DSCAML1: variants seen among roughly 807,000 people sequenced by gnomAD.
DSCAML1 encodes DS cell adhesion molecule like 1.
In DSCAML1, 38 loss-of-function variants were observed where a neutral mutation model predicts 200.5. That is an observed-to-expected ratio of 0.19 (90% CI 0.15 to 0.25). DSCAML1 has a LOEUF of 0.25. DSCAML1 is among the 10% of genes least tolerant of loss of function. DSCAML1 has a pLI of 1.00. For synonymous variants in DSCAML1, 1,215 were observed against 1,165.0 expected (o/e 1.04, Z -0.87); for missense variants, 2,223 against 2,858.8 (o/e 0.78, Z 5.07).
chr11:117,470,371 C>A (rs935257054), intron 15 of DSCAML1, among the ~76,000 whole-genome samples: 4 of 151,646 alleles, frequency 2.6e-5, no homozygotes, highest in African/African-American at 9.7e-5. Flanking sequence ...GTCAGGAGAT[C>A]GAGACCATCC....
At chr11:117,807,365 A>G (rs1038639145) in intron 1 of DSCAML1, among the ~76,000 whole-genome samples, 6 of 152,302 alleles carry the variant, frequency 3.9e-5, no homozygotes, top group South Asian at 4.1e-4. Flanking sequence ...CCTTGCCCCA[A>G]ATCCCAGTAC....
intron 3 of DSCAML1, among the ~76,000 whole-genome samples, chr11:117,633,885 A>G (rs2052224669): frequency 6.6e-6 from 1 of 152,170 alleles, no homozygotes; most frequent in Non-Finnish European, 1.5e-5. Context: ...AGGGCAGGGC[A>G]GGCGCTTTGG....
chr11:117,702,327 G>A (rs889722049), intron 3 of DSCAML1, among the ~76,000 whole-genome samples: 4 of 152,062 alleles, frequency 2.6e-5, no homozygotes, highest in African/African-American at 9.7e-5. Flanking sequence ...CACTGCCCCT[G>A]GGGGCCCTAG....
chr11:117,462,881 C>G (rs2048507989), intron 17 of DSCAML1, among the ~76,000 whole-genome samples: 1 of 152,218 alleles, frequency 6.6e-6, no homozygotes, highest in South Asian at 2.1e-4. Flanking sequence ...TGGAAACTTT[C>G]TTCTCCCCTC....
At chr11:117,759,224 G>GC (rs1326829161) in intron 3 of DSCAML1, among the ~76,000 whole-genome samples, 1 of 152,126 alleles carries the variant, frequency 6.6e-6, no homozygotes, top group Non-Finnish European at 1.5e-5. Flanking sequence ...GATTTCCAAG[G>GC]CCCCCTATAG....
At chr11:117,748,263 G>A (rs2054549517) in intron 3 of DSCAML1, among the ~76,000 whole-genome samples, 1 of 152,190 alleles carries the variant, frequency 6.6e-6, no homozygotes, top group African/African-American at 2.4e-5. Context: ...CCGTAATGGT[G>A]AGCTCACTAC....
At chr11:117,682,300 A>G (rs1238889324) in intron 3 of DSCAML1, among the ~76,000 whole-genome samples, 4 of 152,094 alleles carry the variant, frequency 2.6e-5, no homozygotes, top group Admixed American at 1.3e-4. Flanking sequence ...AAACCTCTTC[A>G]TCACTGCTGC....
At chr11:117,452,414 A>C (rs896954670) in intron 19 of DSCAML1, among the ~76,000 whole-genome samples, 2 of 152,204 alleles carry the variant, frequency 1.3e-5, no homozygotes, top group African/African-American at 4.8e-5. Context: ...GTCTGACACT[A>C]ATATTCCAGT....
At chr11:117,450,436 G>T in intron 20 of DSCAML1, 113 bp downstream of exon 20, 1 of 1,427,856 alleles carries the variant, frequency 7.0e-7, no homozygotes, top group Non-Finnish European at 9.4e-7. Flanking sequence ...TATGAATCCA[G>T]GCAGAAGCTC....
At chr11:117,432,236 C>T (rs2137061722) in intron 30 of DSCAML1, 116 bp downstream of exon 30, 6 of 1,221,570 alleles carry the variant, frequency 4.9e-6, no homozygotes, top group Admixed American at 3.0e-5. Flanking sequence ...TCCATTTTTG[C>T]ATTCTATTCC....
intron 19 of DSCAML1, among the ~76,000 whole-genome samples, chr11:117,458,022 G>A (rs935183631): frequency 6.6e-6 from 1 of 152,184 alleles, no homozygotes; most frequent in Non-Finnish European, 1.5e-5. Context: ...AGAAAGTGGC[G>A]GGGCTGGAGG....
In DSCAML1 at chr11:117,618,788, G is replaced by A. The variant is rs1008010201; in HGVS notation, c.512-86266C>T. Among the ~76,000 whole-genome samples, 3 of 152,282 alleles carry A rather than the reference G, an allele frequency of 2.0e-5. No homozygotes were observed. The East Asian group carries it at 5.8e-4, about 29-fold the overall frequency. ...GGGCCAAGGAGAGCACAGGGTTGAG[G>A]AATGGGATCTCTTGCTACGGAGGCT... On this transcript the variant is annotated intron_variant, in intron 3 of 32. Transcript: ENST00000651296.
At chr11:117,494,132 C>G (rs1432459634) in intron 11 of DSCAML1, among the ~76,000 whole-genome samples, 10 of 152,158 alleles carry the variant, frequency 6.6e-5, no homozygotes, top group Non-Finnish European at 1.5e-4. Flanking sequence ...CTCTGAACAT[C>G]AGAATCCTTT....
intron 3 of DSCAML1, among the ~76,000 whole-genome samples, chr11:117,559,048 G>T (rs957085749): frequency 6.6e-6 from 1 of 152,122 alleles, no homozygotes; most frequent in Non-Finnish European, 1.5e-5. Flanking sequence ...GAAAAGGGGA[G>T]GTTGGGGAGA....
At chr11:117,627,159 T>C (rs1705828005) in intron 3 of DSCAML1, among the ~76,000 whole-genome samples, 1 of 152,218 alleles carries the variant, frequency 6.6e-6, no homozygotes, top group South Asian at 2.1e-4. Context: ...TAATTTATTC[T>C]TTTTCTTCTC....
intron 3 of DSCAML1, among the ~76,000 whole-genome samples, chr11:117,666,654 C>T (rs1286517158): frequency 6.6e-6 from 1 of 152,162 alleles, no homozygotes; most frequent in Non-Finnish European, 1.5e-5. Context: ...GAGTATGAGG[C>T]CTGAGCTACG....
At chr11:117,802,613 G>GT (rs2055672028) in intron 1 of DSCAML1, among the ~76,000 whole-genome samples, 1 of 152,116 alleles carries the variant, frequency 6.6e-6, no homozygotes, top group Admixed American at 6.5e-5. Flanking sequence ...GGAGTTTCTC[G>GT]TCTCTAAGAG....
chr11:117,513,000 C>T (rs920384689), intron 8 of DSCAML1, among the ~76,000 whole-genome samples: 2 of 152,162 alleles, frequency 1.3e-5, no homozygotes, highest in Non-Finnish European at 2.9e-5. Flanking sequence ...CTCTGAGGCC[C>T]GCTGCACCCG....
At chr11:117,543,104 C>T (rs945797854) in intron 3 of DSCAML1, among the ~76,000 whole-genome samples, 1 of 152,164 alleles carries the variant, frequency 6.6e-6, no homozygotes, top group Non-Finnish European at 1.5e-5. Flanking sequence ...GAAGACATTA[C>T]AGTTACTGAA....
Sources: gnomAD v4.1 joint callset for allele counts (sites outside exome capture counted in the v4.1 genomes callset) on GRCh38, gnomAD v4.1.1 for gene constraint, MANE v1.5 for transcripts, NCBI Gene and HGNC (gene_info 2026-07-23, HGNC 2026-07-21) for gene names.